The following MAF variants were observed in gnomAD, a reference collection of about 807,000 sequenced individuals.
MAF encodes transcription factor Maf.
In MAF, 10 loss-of-function variants were observed where a neutral mutation model predicts 22.0. That is an observed-to-expected ratio of 0.45 (90% confidence interval 0.28 to 0.77). The LOEUF (loss-of-function observed/expected upper bound fraction) is 0.77, where lower values mean the gene tolerates loss of function less well. MAF is among the 30% of genes least tolerant of loss of function. The pLI, the probability that MAF is intolerant of heterozygous loss-of-function variation, is 0.12. For synonymous variants in MAF, 337 were observed against 255.8 expected, an observed-to-expected ratio of 1.32 and a Z score of -3.03; for missense variants, 544 against 548.4, an observed-to-expected ratio of 0.99 and a Z score of 0.08.
At chr16:79,337,652 T>G in the MAF span, among the ~76,000 whole-genome samples, 1 of 152,186 alleles carries the variant, frequency 6.6e-6, no homozygotes, top group Non-Finnish European at 1.5e-5. Context: ...TCTTTAAACA[T>G]GTCAAACATG....
chr16:79,215,986 G>A, the MAF span, among the ~76,000 whole-genome samples: 9 of 152,180 alleles, frequency 5.9e-5, no homozygotes, highest in Non-Finnish European at 1.0e-4. Flanking sequence ...TCTCTTGCCA[G>A]ACACATCAAT....
the MAF span, among the ~76,000 whole-genome samples, chr16:79,260,437 C>T: frequency 7.0e-6 from 1 of 142,874 alleles, no homozygotes; most frequent in Non-Finnish European, 1.6e-5. Context: ...CAGATGTGAG[C>T]CACCATGCCT....
chr16:79,570,623 A>G, the MAF span, among the ~76,000 whole-genome samples: 2 of 152,202 alleles, frequency 1.3e-5, no homozygotes, highest in Non-Finnish European at 2.9e-5. Flanking sequence ...CTAGGTGTTT[A>G]ACAACTGGCT....
At chr16:79,379,754 G>C in the MAF span, among the ~76,000 whole-genome samples, 26 of 152,142 alleles carry the variant, frequency 1.7e-4, no homozygotes, top group Admixed American at 7.2e-4. Flanking sequence ...CAGCCTTGTT[G>C]GGTTTCAGTG....
chr16:79,406,073 G>C, the MAF span, among the ~76,000 whole-genome samples: 1 of 152,198 alleles, frequency 6.6e-6, no homozygotes, highest in Admixed American at 6.5e-5. Flanking sequence ...CCTCACCTCT[G>C]AGGCTCATGC....
the MAF span, among the ~76,000 whole-genome samples, chr16:79,401,127 G>C: frequency 6.6e-6 from 1 of 152,152 alleles, no homozygotes. Context: ...GCTTCATTTG[G>C]GACAGGGCGT....
chr16:79,479,579 C>G, the MAF span, among the ~76,000 whole-genome samples: 1 of 152,160 alleles, frequency 6.6e-6, no homozygotes, highest in Non-Finnish European at 1.5e-5. Flanking sequence ...AATCCTTCGT[C>G]CCCCTCTCTA....
the MAF span, among the ~76,000 whole-genome samples, chr16:79,286,943 A>G: frequency 6.6e-6 from 1 of 152,146 alleles, no homozygotes; most frequent in Non-Finnish European, 1.5e-5. Flanking sequence ...TCTCTGGCAA[A>G]AAACCAAAAA....
the MAF span, among the ~76,000 whole-genome samples, chr16:79,255,256 T>C: frequency 6.6e-6 from 1 of 152,260 alleles, no homozygotes; most frequent in Non-Finnish European, 1.5e-5. Context: ...CTTTGCCTTT[T>C]CTGTGAAATC....
the MAF span, among the ~76,000 whole-genome samples, chr16:79,575,229 T>C: frequency 1.3e-5 from 2 of 152,044 alleles, no homozygotes; most frequent in Non-Finnish European, 2.9e-5. Flanking sequence ...CTCTCCCCTA[T>C]TGTGAAGTGG....
chr16:79,599,296 C>G lies in MAF; in HGVS notation c.607G>C (p.Ala203Pro). The change falls in exon 1 of 2, where the codon GCG becomes CCG. Residue 203 changes from alanine to proline, a missense_variant. Ala to Pro is a conservative substitution (Grantham distance 27). Transcript: ENST00000326043. ...HHPTAGAPGA[A>P]GSAAASAGGA... ...CCGGCCGAGGCGGCCGCGCTGCCCG[C>G]GGCGCCGGGCGCGCCGGCCGTCGGG... 1.0e-6 allele frequency: 1 copy of G among 980,010 alleles called. No individual in the cohort carries two copies. Among genetic ancestry groups the G allele is most frequent in the South Asian group, 4.6e-5 (1 of 21,756 alleles). The allele number at this position is 980,010 out of a possible 1,614,324, so 60.7% of individuals were successfully genotyped here. A position where few individuals can be genotyped will look rare whatever the true frequency, so the allele number is the denominator to read the frequency against.
the MAF span, among the ~76,000 whole-genome samples, chr16:79,425,234 A>G: frequency 6.6e-6 from 1 of 152,190 alleles, no homozygotes; most frequent in Non-Finnish European, 1.5e-5. Flanking sequence ...TGATTAATTT[A>G]TCATGATAGT....
At chr16:79,569,426 T>C in the MAF span, among the ~76,000 whole-genome samples, 1 of 152,210 alleles carries the variant, frequency 6.6e-6, no homozygotes, top group Non-Finnish European at 1.5e-5. Context: ...ATGTGGTCTT[T>C]AACTCCTCTA....
At chr16:79,302,074 G>A in the MAF span, among the ~76,000 whole-genome samples, 6 of 152,210 alleles carry the variant, frequency 3.9e-5, no homozygotes, top group Non-Finnish European at 7.3e-5. Context: ...ACTCTCACCT[G>A]CATCCCTCCA....
At chr16:79,260,427 C>G in the MAF span, among the ~76,000 whole-genome samples, 1 of 150,448 alleles carries the variant, frequency 6.6e-6, no homozygotes, top group Non-Finnish European at 1.5e-5. Context: ...CCTGGAATCA[C>G]AGATGTGAGC....
chr16:79,282,579 C>T, the MAF span, among the ~76,000 whole-genome samples: 55 of 152,292 alleles, frequency 3.6e-4, no homozygotes, highest in African/African-American at 1.3e-3. Context: ...ACCGCTTCCC[C>T]AAAGGCTACG....
the MAF span, among the ~76,000 whole-genome samples, chr16:79,579,285 T>A: frequency 2.6e-5 from 4 of 152,336 alleles, no homozygotes; most frequent in East Asian, 7.7e-4. Flanking sequence ...ATCCCATCAA[T>A]GTATCCTTGT....
the MAF span, among the ~76,000 whole-genome samples, chr16:79,256,787 T>G: frequency 6.6e-6 from 1 of 152,182 alleles, no homozygotes; most frequent in Non-Finnish European, 1.5e-5. Context: ...GTACACATTT[T>G]AAGCCTTAAA....
chr16:79,550,572 A>T, the MAF span, among the ~76,000 whole-genome samples: 2 of 152,176 alleles, frequency 1.3e-5, no homozygotes, highest in African/African-American at 4.8e-5. Context: ...TTGTCATGCA[A>T]AAAGGAGAGA....
Sources: allele counts gnomAD v4.1 joint callset (sites outside exome capture counted in the v4.1 genomes callset), GRCh38; gene constraint gnomAD v4.1.1; transcripts MANE v1.5; gene names NCBI Gene and HGNC (gene_info 2026-07-23, HGNC 2026-07-21).